Variants in ZFAND3 observed in about 807,000 individuals in gnomAD.
The protein encoded by ZFAND3 is zinc finger AN1-type containing 3, also known as AN1-type zinc finger protein 3.
ZFAND3 carries 10 observed loss-of-function variants against 29.6 expected under a neutral mutation model. The observed-to-expected ratio is 0.34, with a 90% CI of 0.21 to 0.57. The LOEUF (loss-of-function observed/expected upper bound fraction) is 0.57. Among genes scored for constraint, ZFAND3 ranks in the 20% least tolerant of loss-of-function variants. The pLI is 0.86. For missense variants in ZFAND3, 230 were observed against 304.5 expected, an observed-to-expected ratio of 0.76 and a Z score of 1.82; for synonymous variants, 128 against 112.6, an observed-to-expected ratio of 1.14 and a Z score of -0.87.
intron 4 of ZFAND3, among the ~76,000 whole-genome samples, chr6:38,102,551 G>C (rs7773080): frequency 0.033 from 4,963 of 152,200 alleles, 221 homozygotes; most frequent in African/African-American, 0.096. Context: ...TTGGGGTACA[G>C]CATTATTCGA....
At chr6:38,012,052 G>A (rs911831141) in intron 2 of ZFAND3, among the ~76,000 whole-genome samples, 8 of 152,150 alleles carry the variant, frequency 5.3e-5, no homozygotes, top group South Asian at 2.1e-4. Flanking sequence ...TCAGAATTGA[G>A]ATGTTTAGCA....
At chr6:38,145,943 G>A (rs1248009128) in intron 5 of ZFAND3, among the ~76,000 whole-genome samples, 2 of 152,210 alleles carry the variant, frequency 1.3e-5, no homozygotes, top group African/African-American at 4.8e-5. Context: ...ATTCACATGG[G>A]ATTCTTTCAG....
At chr6:37,820,621 C>A (rs1763648839) in intron 1 of ZFAND3, among the ~76,000 whole-genome samples, 1 of 152,200 alleles carries the variant, frequency 6.6e-6, no homozygotes, top group South Asian at 2.1e-4. Flanking sequence ...TCATGTAAAA[C>A]ACGTTTCAGG....
At chr6:37,843,186 G>A (rs929239028) in intron 1 of ZFAND3, among the ~76,000 whole-genome samples, 1 of 148,604 alleles carries the variant, frequency 6.7e-6, no homozygotes, top group Non-Finnish European at 1.5e-5. Context: ...AGGTGATTTT[G>A]TTTCTTTAAG....
At chr6:38,144,218 A>ATATATATATATATATAAT (rs1554183997) in intron 5 of ZFAND3, among the ~76,000 whole-genome samples, 5 of 31,448 alleles carry the variant, frequency 1.6e-4, no homozygotes, top group East Asian at 5.3e-4. Flanking sequence ...TATAATATAT[A>ATATATATATATATATAAT]ATATATATAT....
chr6:37,915,080 A>C (rs1761216633), intron 1 of ZFAND3, among the ~76,000 whole-genome samples: 1 of 152,236 alleles, frequency 6.6e-6, no homozygotes, highest in Non-Finnish European at 1.5e-5. Flanking sequence ...CAGCTTGTAC[A>C]ACAGCACTTG....
intron 1 of ZFAND3, among the ~76,000 whole-genome samples, chr6:37,823,483 C>G (rs1763703667): frequency 6.6e-6 from 1 of 152,074 alleles, no homozygotes. Flanking sequence ...GACTTGCTGC[C>G]CAGCATTGCC....
chr6:38,144,520 G>A (rs1178385769), intron 5 of ZFAND3, among the ~76,000 whole-genome samples: 3 of 152,274 alleles, frequency 2.0e-5, no homozygotes, highest in Middle Eastern at 6.9e-3. Context: ...ACAGGCTAGG[G>A]GGTGGTGAGC....
intron 3 of ZFAND3, among the ~76,000 whole-genome samples, chr6:38,080,062 A>G (rs1213900731): frequency 9.9e-5 from 15 of 151,824 alleles, no homozygotes; most frequent in Non-Finnish European, 8.8e-5. Context: ...CTCCAAAAAA[A>G]AAAAAACACC....
At chr6:37,829,575 T>C (rs958509355) in intron 1 of ZFAND3, among the ~76,000 whole-genome samples, 2 of 152,128 alleles carry the variant, frequency 1.3e-5, no homozygotes, top group African/African-American at 4.8e-5. Flanking sequence ...TGGAGAAGTG[T>C]TTTTGTATAT....
At chr6:38,096,260 CCT>C (rs1764976832) in intron 4 of ZFAND3, among the ~76,000 whole-genome samples, 2 of 151,756 alleles carry the variant, frequency 1.3e-5, no homozygotes, top group South Asian at 4.2e-4. Flanking sequence ...GCAACCTCCG[CCT>C]CTCGGGTTTA....
chr6:37,840,897 CAG>C (rs1764061172), intron 1 of ZFAND3, among the ~76,000 whole-genome samples: 1 of 152,130 alleles, frequency 6.6e-6, no homozygotes, highest in Non-Finnish European at 1.5e-5. Context: ...TTAGAAAAAA[CAG>C]AGATAACAGG....
chr6:38,106,333 G>A (rs1468914268), intron 4 of ZFAND3, among the ~76,000 whole-genome samples: 1 of 152,014 alleles, frequency 6.6e-6, no homozygotes, highest in Non-Finnish European at 1.5e-5. Context: ...TGTATTTTTA[G>A]TAGAGATAGG....
chr6:38,074,896 C>T (rs772828641), intron 3 of ZFAND3, among the ~76,000 whole-genome samples: 12 of 152,160 alleles, frequency 7.9e-5, no homozygotes, highest in Non-Finnish European at 1.5e-4. Context: ...ATCCGCTCTG[C>T]CTGTGTTCTG....
intron 1 of ZFAND3, among the ~76,000 whole-genome samples, chr6:37,916,873 G>A (rs1309379732): frequency 2.0e-5 from 3 of 152,144 alleles, no homozygotes; most frequent in Non-Finnish European, 2.9e-5. Flanking sequence ...CCCTGGTGGC[G>A]AATCATCCCC....
At chr6:37,959,007 C>A (rs1156557500) in intron 2 of ZFAND3, among the ~76,000 whole-genome samples, 1 of 152,162 alleles carries the variant, frequency 6.6e-6, no homozygotes, top group Non-Finnish European at 1.5e-5. Context: ...TCCTCTGGGT[C>A]ATTACCCATT....
chr6:37,917,961 T>C (rs1351368912), intron 1 of ZFAND3, among the ~76,000 whole-genome samples: 1 of 152,254 alleles, frequency 6.6e-6, no homozygotes, highest in African/African-American at 2.4e-5. Context: ...ATGTGCATAT[T>C]GCTAGATATT....
chr6:38,150,548 T>C (rs927163576), intron 5 of ZFAND3, among the ~76,000 whole-genome samples: 2 of 152,164 alleles, frequency 1.3e-5, no homozygotes, highest in African/African-American at 4.8e-5. Context: ...GGAATATAGG[T>C]GAAGTTAATC....
intron 2 of ZFAND3, among the ~76,000 whole-genome samples, chr6:38,035,282 T>C (rs1212700185): frequency 2.0e-5 from 3 of 152,204 alleles, no homozygotes; most frequent in African/African-American, 7.2e-5. Flanking sequence ...TTCTTTACTT[T>C]GCAGTCTCAT....
Sources: allele counts gnomAD v4.1 joint callset (sites outside exome capture counted in the v4.1 genomes callset), GRCh38; gene constraint gnomAD v4.1.1; transcripts MANE v1.5; gene names NCBI Gene and HGNC (gene_info 2026-07-23, HGNC 2026-07-21).